DEF8: variants seen among roughly 807,000 people sequenced by gnomAD.
DEF8 encodes differentially expressed in FDCP 8 homolog.
A neutral mutation model predicts 59.1 loss-of-function variants in DEF8; 38 were observed. That is an observed-to-expected ratio of 0.64 (90% CI 0.50 to 0.84). The LOEUF is 0.84. DEF8 is among the 40% of genes least tolerant of loss of function. DEF8 has a pLI of 0.00. For missense variants in DEF8, 557 were observed against 615.2 expected, an observed-to-expected ratio of 0.91 and a Z score of 1.00; for synonymous variants, 265 against 250.1, an observed-to-expected ratio of 1.06 and a Z score of -0.56.
At chr16:89,948,864 CGGG>C (rs2031211878) in intron 1 of DEF8, 50 bp downstream of exon 1, 1 of 486,342 alleles carries the variant, frequency 2.1e-6, no homozygotes, top group African/African-American at 6.2e-5. Context: ...ACGGGGCCGG[CGGG>C]GACGGGGCCG....
intron 5 of DEF8, 130 bp from the exon 6 acceptor site, chr16:89,958,884 G>A: frequency 6.7e-7 from 1 of 1,496,222 alleles, no homozygotes; most frequent in African/African-American, 1.4e-5. Context: ...AAGGGACATG[G>A]CATTGTGCTG....
chr16:89,959,494 T>C lies in DEF8; in HGVS notation c.514+339T>C, dbSNP rs187891579. On this transcript the variant is annotated intron_variant, in intron 6 of 12. Coordinates refer to ENST00000563594, the MANE Select transcript of DEF8 (RefSeq NM_001242818.2). Reference sequence around the variant, plus strand: ...CTTTGTTTTTTGTTTTTGTTTGTTTTTGGTTTGGTTTTGTTTTTGAGACGG... The same window carrying C: ...CTTTGTTTTTTGTTTTTGTTTGTTTCTGGTTTGGTTTTGTTTTTGAGACGG... 3.5e-3 allele frequency: 1,992 copies of C among 568,754 alleles called. 4 individuals are homozygous for C. The highest frequency in any genetic ancestry group is 0.013 in the Middle Eastern group (22 of 1,710). 35.2% of individuals were successfully genotyped at this position (568,754 alleles called of 1,614,324 possible).
chr16:89,953,467 C>T (rs1330804056), intron 2 of DEF8, among the ~76,000 whole-genome samples: 1 of 152,100 alleles, frequency 6.6e-6, no homozygotes, highest in Admixed American at 6.5e-5. Context: ...GAGCTTCTGC[C>T]ACGTGGAGAA....
At chr16:89,951,959 G>A (rs1347535077) in intron 2 of DEF8, among the ~76,000 whole-genome samples, 1 of 151,744 alleles carries the variant, frequency 6.6e-6, no homozygotes, top group Non-Finnish European at 1.5e-5. Context: ...CTCACTGCAA[G>A]CTCCGCTTCC....
At chr16:89,959,325 G>T in intron 6 of DEF8, 170 bp downstream of exon 6, 1 of 1,465,274 alleles carries the variant, frequency 6.8e-7, no homozygotes. Flanking sequence ...GTCTACATTG[G>T]ACAGGGCTGT....
intron 2 of DEF8, among the ~76,000 whole-genome samples, chr16:89,949,820 C>T (rs62052222): frequency 1.3e-5 from 2 of 152,206 alleles, no homozygotes; most frequent in East Asian, 3.9e-4. Context: ...CCACTTCCTG[C>T]CCGCTCCTTT....
At chr16:89,958,991 C>T (rs765074220) in intron 5 of DEF8, 23 bp from the exon 6 acceptor site, 2 of 1,606,916 alleles carry the variant, frequency 1.2e-6, no homozygotes, top group South Asian at 1.1e-5. Context: ...CCTGTGACCC[C>T]CTCCCTGACT....
chr16:89,953,988 A>G (rs2032666708), intron 2 of DEF8, among the ~76,000 whole-genome samples: 1 of 152,210 alleles, frequency 6.6e-6, no homozygotes, highest in Admixed American at 6.5e-5. Flanking sequence ...CAGATGGGCC[A>G]CGTGCCCTCG....
intron 6 of DEF8, among the ~76,000 whole-genome samples, chr16:89,959,697 C>T (rs1199967511): frequency 6.6e-6 from 1 of 152,168 alleles, no homozygotes; most frequent in Admixed American, 6.5e-5. Flanking sequence ...CGGGGTTTCA[C>T]CGTGTTAGCC....
chr16:89,961,585 G>T, intron 7 of DEF8, 152 bp from the exon 8 acceptor site: 1 of 911,226 alleles, frequency 1.1e-6, no homozygotes, highest in South Asian at 1.5e-5. Context: ...TCAGTGAGAC[G>T]CTGGGACCAC....
Position 89,951,481 on chromosome 16 carries a change from G to C in DEF8, c.-11+1968G>C, listed in dbSNP as rs551076515. On this transcript the variant is annotated intron_variant, in intron 2 of 12. Transcript: ENST00000563594. Reference sequence around the variant, plus strand: ...GCTGGTCTCGAACTGCTCACCTCAGGTGATCAGCCCACTTCTGCTTCCCAA... The same window carrying C: ...GCTGGTCTCGAACTGCTCACCTCAGCTGATCAGCCCACTTCTGCTTCCCAA... Among the ~76,000 whole-genome samples, 4 of 152,258 alleles carry C rather than the reference G, an allele frequency of 2.6e-5. No homozygotes were observed. In the South Asian group the frequency reaches 8.3e-4, roughly 32 times the overall value.
intron 9 of DEF8, 65 bp downstream of exon 9, chr16:89,962,190 C>G: frequency 7.1e-7 from 1 of 1,414,500 alleles, no homozygotes. Flanking sequence ...AGGGCCGGGC[C>G]AGTACCCTCT....
intron 9 of DEF8, among the ~76,000 whole-genome samples, chr16:89,962,545 A>G (rs1251516413): frequency 2.6e-5 from 4 of 151,842 alleles, no homozygotes; most frequent in Admixed American, 2.0e-4. Context: ...TATCCCAGCT[A>G]CTCGGGAGGC....
chr16:89,955,357 C>G (rs979682308), intron 4 of DEF8, 91 bp downstream of exon 4: 8 of 1,075,662 alleles, frequency 7.4e-6, no homozygotes, highest in Non-Finnish European at 1.1e-5. Context: ...TCCCAGGTGG[C>G]AGGGCAGTGT....
intron 9 of DEF8, among the ~76,000 whole-genome samples, chr16:89,962,433 G>A (rs1344812656): frequency 2.6e-5 from 4 of 152,214 alleles, no homozygotes; most frequent in Non-Finnish European, 5.9e-5. Flanking sequence ...TGAGGTGGGT[G>A]GATCACTTGA....
At chr16:89,951,966 T>C (rs1464839517) in intron 2 of DEF8, among the ~76,000 whole-genome samples, 4 of 151,864 alleles carry the variant, frequency 2.6e-5, no homozygotes, top group African/African-American at 4.8e-5. Context: ...CAAGCTCCGC[T>C]TCCTGGGTTC....
chr16:89,954,244 T>C lies in DEF8; in HGVS notation c.-9T>C. On this transcript the variant is annotated splice_region_variant and 5_prime_UTR_variant, in exon 3 of 13. Transcript: ENST00000563594. The surrounding 1 kb of genome is among the most constrained non-coding windows in gnomAD (Gnocchi z 4.3). ...ATCCTGGCCCTGCCTGGCCCTCAGG[T>C]GGGATGCTATGGAATATGATGAGAA... The C allele has an allele frequency of 6.2e-7, 1 of 1,611,514 alleles. No homozygotes were observed. The highest frequency in any genetic ancestry group is 2.2e-5 in the East Asian group (1 of 44,862).
intron 4 of DEF8, 41 bp downstream of exon 4, chr16:89,955,307 C>T (rs1311730221): frequency 6.4e-7 from 1 of 1,559,352 alleles, no homozygotes; most frequent in Non-Finnish European, 8.8e-7. Context: ...ACTGAGGGAA[C>T]CCCCAAGGCA....
intron 2 of DEF8, among the ~76,000 whole-genome samples, chr16:89,953,364 C>T (rs1394618205): frequency 1.3e-5 from 2 of 152,120 alleles, no homozygotes; most frequent in African/African-American, 4.8e-5. Flanking sequence ...CCCACCCCAA[C>T]CAAAGTCCCT....
Sources: allele counts gnomAD v4.1 joint callset (sites outside exome capture counted in the v4.1 genomes callset), GRCh38; gene constraint gnomAD v4.1.1; non-coding constraint Gnocchi (gnomAD v3.1); transcripts MANE v1.5; gene names NCBI Gene and HGNC (gene_info 2026-07-23, HGNC 2026-07-21).